The following DVL2 variants were observed in gnomAD, a reference collection of about 807,000 sequenced individuals.
DVL2 encodes segment polarity protein dishevelled homolog DVL-2.
A neutral mutation model predicts 69.8 loss-of-function variants in DVL2; 38 were observed. That is an observed-to-expected ratio of 0.54 (90% confidence interval 0.42 to 0.71). The LOEUF is 0.71. DVL2 is among the 30% of genes least tolerant of loss of function. The probability of loss-of-function intolerance (pLI) is 0.00; values close to 1 mark genes in which losing one functional copy is unlikely to be tolerated. For synonymous variants in DVL2, 428 were observed against 392.4 expected (o/e 1.09, Z -1.07); for missense variants, 931 against 1,008.1 (o/e 0.92, Z 1.04).
Position 7,226,643 on chromosome 17 carries a change from G to GA in DVL2, c.1544-5dup, listed in dbSNP as rs777036769. ...TTGAGAGACAGGTTGACTAGGTCTGGAAAGCAAGGGAAGAGAGGAAGAAAT... is the reference window on the plus strand; with the variant it reads ...TTGAGAGACAGGTTGACTAGGTCTGGAAAAGCAAGGGAAGAGAGGAAGAAAT... On this transcript the variant is annotated splice_region_variant and splice_polypyrimidine_tract_variant and intron_variant, in intron 13 of 14. Coordinates refer to ENST00000005340, the MANE Select transcript of DVL2 (RefSeq NM_004422.3). 4.5e-6 allele frequency: 7 copies of GA among 1,540,642 alleles called. No homozygotes were observed. The Admixed American group carries it at 1.2e-4, about 27-fold the overall frequency.
intron 11 of DVL2, 38 bp from the exon 12 acceptor site, chr17:7,227,573 C>T (rs774357381): frequency 1.2e-5 from 19 of 1,612,718 alleles, no homozygotes; most frequent in Admixed American, 3.3e-5. Flanking sequence ...AGTCAGGGAT[C>T]GCTCCCACAA....
rs746255246 is a variant in DVL2, at chr17:7,230,317, G to A, written c.378C>T (p.Ser126=). 18 of 1,614,114 alleles carry A rather than the reference G, an allele frequency of 1.1e-5. No homozygotes were observed. Among genetic ancestry groups the A allele is most frequent in the Middle Eastern group, 1.6e-4 (1 of 6,062 alleles). The stretch of plus-strand genomic sequence containing the variant: ...ATGGAGGCCTTGAGTCCCCAATGCC[G>A]CTGGTCCTCTCGGGTGGCAAAGGAG... ...PLPPLPPERT[S]GIGDSRPPSF... Residue 126 remains serine, a synonymous_variant, in exon 3 of 15, where the codon AGC becomes AGT. Coordinates refer to ENST00000005340, the MANE Select transcript of DVL2 (RefSeq NM_004422.3).
intron 1 of DVL2, among the ~76,000 whole-genome samples, chr17:7,232,268 C>T (rs1162187532): frequency 2.0e-5 from 3 of 152,184 alleles, no homozygotes; most frequent in African/African-American, 7.2e-5. Flanking sequence ...CAACCTTAGC[C>T]CCAAATTAGG....
chr17:7,230,689 T>C (rs780238883), intron 2 of DVL2, 39 bp downstream of exon 2: 3 of 1,582,906 alleles, frequency 1.9e-6, no homozygotes, highest in African/African-American at 2.7e-5. Context: ...AGCTTGGCAA[T>C]GCTGAGGGGG....
rs552901676 is a variant in DVL2, at chr17:7,234,483, C to T, written c.-221G>A. 2.6e-4 allele frequency: 144 copies of T among 550,216 alleles called. No individual in the cohort carries two copies. Among genetic ancestry groups the T allele is most frequent in the African/African-American group, 2.3e-3 (113 of 49,442 alleles). 34.1% of individuals were successfully genotyped at this position (550,216 alleles called of 1,614,324 possible). On this transcript the variant is annotated 5_prime_UTR_variant, in exon 1 of 15. It adds an upstream start codon to the 5' untranslated region. Transcript: ENST00000005340. Reference sequence around the variant, plus strand: ...CGGTCTCAGCGGCCGCCGCGCGCCACCGCCACCGACGCCGCGAGCTTCCTC... The same window carrying T: ...CGGTCTCAGCGGCCGCCGCGCGCCATCGCCACCGACGCCGCGAGCTTCCTC...
chr17:7,226,707 G>T, intron 13 of DVL2, 68 bp from the exon 14 acceptor site: 1 of 1,238,160 alleles, frequency 8.1e-7, no homozygotes, highest in Non-Finnish European at 1.1e-6. Context: ...ACACCGAATG[G>T]AGAGGAACTG....
chr17:7,230,512 G>A (rs1223657465), intron 2 of DVL2, 82 bp from the exon 3 acceptor site: 3 of 1,562,730 alleles, frequency 1.9e-6, no homozygotes, highest in Admixed American at 1.8e-5. Context: ...AATGAGAAAG[G>A]GTCTCAGAGA....
rs2071474477 is a variant in DVL2 at position 7,227,454 on chromosome 17, T to G, written c.1313A>C (p.Glu438Ala). ...KAMAAPESGL[E>A]VRDRMWLKIT... ...CTTGAGCCACATGCGGTCCCGGACTTCCAGTCCAGACTCTGGAGCTGCCAT... is the reference window on the plus strand; with the variant it reads ...CTTGAGCCACATGCGGTCCCGGACTGCCAGTCCAGACTCTGGAGCTGCCAT... Residue 438 changes from glutamate (E) to alanine (A), a missense_variant, in exon 12 of 15, where the codon GAA becomes GCA. Around this residue, in one of 3 missense-constraint regions of DVL2, gnomAD observed 62 missense variants for 105.7 expected, o/e 0.59. Coordinates refer to ENST00000005340, the MANE Select transcript of DVL2 (RefSeq NM_004422.3). The G allele has an allele frequency of 6.2e-6, 10 of 1,614,206 alleles. No homozygotes were observed. Among genetic ancestry groups the G allele is most frequent in the Non-Finnish European group, 6.8e-6 (8 of 1,180,040 alleles).
At position 7,228,988 on chromosome 17, in the gene DVL2, C is replaced by T. The variant is rs572648827; in HGVS notation, c.1015G>A (p.Asp339Asn). ...SNDDAVRVLR[D>N]IVHKPGPIVL... ...ACTCACCCAGGCTTGTGCACAATGT[C>T]CCTCAGCACCCGCACAGCGTCATCG... is the stretch of plus-strand genomic sequence containing the variant. Residue 339 changes from aspartate (D) to asparagine (N), a missense_variant, in exon 9 of 15, where the codon GAC becomes AAC. Transcript: ENST00000005340. 25 of 1,614,072 alleles carry T rather than the reference C, an allele frequency of 1.5e-5. No individual in the cohort carries two copies. Among genetic ancestry groups the T allele is most frequent in the Non-Finnish European group, 1.9e-5 (23 of 1,180,042 alleles).
intron 3 of DVL2, 36 bp from the exon 4 acceptor site, chr17:7,230,191 G>A (rs370263288): frequency 1.2e-6 from 2 of 1,611,614 alleles, no homozygotes; most frequent in African/African-American, 1.3e-5. Context: ...CCCACATCAG[G>A]AGAACAGGGC....
At chr17:7,228,909 CA>C in intron 9 of DVL2, 59 bp downstream of exon 9, 1 of 1,573,486 alleles carries the variant, frequency 6.4e-7, no homozygotes, top group Non-Finnish European at 8.7e-7. Flanking sequence ...AATTCCAAAA[CA>C]AAACATGAAA....
rs780156325 is a variant in DVL2, at chr17:7,229,324, G to A, written c.818-50C>T. On this transcript the variant is annotated intron_variant, in intron 7 of 14. Transcript: ENST00000005340. This position sits in a 1 kb window ranked among gnomAD's most constrained non-coding sequence, Gnocchi z 4.4. Reference sequence around the variant, plus strand: ...GAGGAGCCCCTGCCACAGGACGCCCGGAACCCTAGAGACCAGGCCCTCCCC... The same window carrying A: ...GAGGAGCCCCTGCCACAGGACGCCCAGAACCCTAGAGACCAGGCCCTCCCC... 1.6e-5 allele frequency: 26 copies of A among 1,613,114 alleles called. No individual in the cohort carries two copies. Among genetic ancestry groups the A allele is most frequent in the Admixed American group, 8.3e-5 (5 of 59,912 alleles).
At chr17:7,231,579 G>A (rs1360214080) in intron 1 of DVL2, among the ~76,000 whole-genome samples, 1 of 149,852 alleles carries the variant, frequency 6.7e-6, no homozygotes, top group Non-Finnish European at 1.5e-5. Context: ...ACACCCATTA[G>A]AGGCCAGGCG....
intron 1 of DVL2, chr17:7,233,791 T>C (rs577020578): frequency 5.7e-6 from 3 of 526,788 alleles, no homozygotes; most frequent in African/African-American, 3.8e-5. Flanking sequence ...CAGTACAGAC[T>C]AGAATACTCC....
rs59984818 is a variant in DVL2, at chr17:7,233,087, C to CAAAAAAAAAAAAA, written c.194+969_194+981dup. On this transcript the variant is annotated intron_variant, in intron 1 of 14. Transcript: ENST00000005340. ...CCTGGGCGACAGAGCGAGACTGTCT[C>CAAAAAAAAAAAAA]AAAAAAAAAAAAAAAAAAAAGCAGA... Among the ~76,000 whole-genome samples, 16 of 36,288 alleles carry CAAAAAAAAAAAAA rather than the reference C, an allele frequency of 4.4e-4. 2 individuals carry two copies. Among genetic ancestry groups the CAAAAAAAAAAAAA allele is most frequent in the East Asian group, 9.6e-4 (1 of 1,046 alleles). 23.8% of individuals were successfully genotyped at this position (36,288 alleles called of 152,430 possible).
At chr17:7,232,278 G>A (rs573301439) in intron 1 of DVL2, among the ~76,000 whole-genome samples, 1 of 152,184 alleles carries the variant, frequency 6.6e-6, no homozygotes, top group East Asian at 1.9e-4. Flanking sequence ...CCCAAATTAG[G>A]ACACCTTGTC....
At position 7,226,439 on chromosome 17, in the gene DVL2, TG is replaced by T; in HGVS notation, c.1743del (p.Ser582AlafsTer99). On this transcript the variant is annotated frameshift_variant, in exon 14 of 15. Coordinates refer to ENST00000005340, the MANE Select transcript of DVL2 (RefSeq NM_004422.3). LOFTEE classifies it high-confidence loss of function. ...GACTTACCCTCACTATGCTGGCTGC[TG>T]GCACTGCCCCCACCATAGGTGTAAG... Reference protein sequence around the residue: ...LSSYTYGGGSASSQHSEGSRS... With the variant: ...LSSYTYGGGSXSSQHSEGSRS... 1 of 1,537,124 alleles carries T rather than the reference TG, an allele frequency of 6.5e-7. No individual in the cohort carries two copies. Among genetic ancestry groups the T allele is most frequent in the Non-Finnish European group, 8.8e-7 (1 of 1,142,498 alleles).
rs2071525638 is a variant in DVL2 at position 7,230,412 on chromosome 17, G to A, written c.283C>T (p.Pro95Ser). The change falls in exon 3 of 15, where the codon CCC becomes TCC. Residue 95 changes from proline to serine, a missense_variant. Physicochemically the swap from Pro to Ser is moderately conservative, Grantham distance 74. Transcript: ENST00000005340. Reference sequence around the variant, plus strand: ...ACTGGAGGGGCCATCTCGGGTTGGGGATTATCTGAGGACACCAGCTAGAAG... The same window carrying A: ...ACTGGAGGGGCCATCTCGGGTTGGGAATTATCTGAGGACACCAGCTAGAAG... ...VVSWLVSSDN[P>S]QPEMAPPVHE... 1 of 1,614,070 alleles carries A rather than the reference G, an allele frequency of 6.2e-7. No individual in the cohort carries two copies. Among genetic ancestry groups the A allele is most frequent in the African/African-American group, 1.3e-5 (1 of 74,916 alleles).
intron 9 of DVL2, chr17:7,228,389 AAAG>A (rs1323476276): frequency 5.1e-6 from 1 of 194,848 alleles, no homozygotes; most frequent in African/African-American, 2.4e-5. Flanking sequence ...GGTGATGGCC[AAAG>A]AAGTCAGGAG....
Sources: allele counts gnomAD v4.1 joint callset (sites outside exome capture counted in the v4.1 genomes callset), GRCh38; gene constraint gnomAD v4.1.1; regional missense constraint gnomAD v4.1.1; non-coding constraint Gnocchi (gnomAD v3.1); transcripts MANE v1.5; gene names NCBI Gene and HGNC (gene_info 2026-07-23, HGNC 2026-07-21).